The following AGPAT3 variants were observed in gnomAD, a reference collection of about 807,000 sequenced individuals.
AGPAT3 encodes 1-acylglycerol-3-phosphate O-acyltransferase 3, also known as 1-acyl-sn-glycerol-3-phosphate acyltransferase gamma.
In AGPAT3, 5 loss-of-function variants were observed where a neutral mutation model predicts 47.3. The observed-to-expected ratio is 0.11, with a 90% CI of 0.06 to 0.22. The LOEUF (loss-of-function observed/expected upper bound fraction) is 0.22. AGPAT3 is among the 10% of genes least tolerant of loss of function. The pLI is 1.00. For missense variants in AGPAT3, 315 were observed against 493.0 expected, an observed-to-expected ratio of 0.64 and a Z score of 3.42; for synonymous variants, 212 against 208.3, an observed-to-expected ratio of 1.02 and a Z score of -0.15.
chr21:43,895,751 A>G (rs2086201877), intron 1 of AGPAT3, among the ~76,000 whole-genome samples: 1 of 150,958 alleles, frequency 6.6e-6, no homozygotes. Flanking sequence ...ACACCTGGCT[A>G]ATTTTTTGTT....
rs866814694 is a variant in AGPAT3 at position 43,952,088 on chromosome 21, G to A, written c.-48-7546G>A. Among the ~76,000 whole-genome samples the A allele has an allele frequency of 6.6e-5, 10 of 152,070 alleles. No homozygotes were observed. Among genetic ancestry groups the A allele is most frequent in the African/African-American group, 9.7e-5 (4 of 41,410 alleles). On this transcript the variant is annotated intron_variant, in intron 2 of 9. Transcript: ENST00000291572. This position sits in a 1 kb window ranked among gnomAD's most constrained non-coding sequence, Gnocchi z 5.6. ...GATGGCGGAACACGGGGATGGGCCC[G>A]TACCTCTCCAGAACTACGGACCTGG... is the stretch of plus-strand genomic sequence containing the variant.
At chr21:43,926,668 T>C (rs1434208842) in intron 2 of AGPAT3, among the ~76,000 whole-genome samples, 1 of 91,324 alleles carries the variant, frequency 1.1e-5, no homozygotes, top group Non-Finnish European at 2.1e-5. Context: ...TTTTTTTTAA[T>C]AAAAAGGAGG....
intron 1 of AGPAT3, among the ~76,000 whole-genome samples, chr21:43,891,372 G>A (rs1052564174): frequency 1.3e-5 from 2 of 152,114 alleles, no homozygotes; most frequent in Admixed American, 6.5e-5. Context: ...GGTGGCTCAC[G>A]CCTATAATCC....
chr21:43,877,918 C>G (rs1324799158), intron 1 of AGPAT3, among the ~76,000 whole-genome samples: 1 of 152,088 alleles, frequency 6.6e-6, no homozygotes, highest in Non-Finnish European at 1.5e-5. Context: ...CCCCCTTCCC[C>G]ATCTATGGCT....
At chr21:43,960,711 C>T in intron 3 of AGPAT3, 1 of 985,302 alleles carries the variant, frequency 1.0e-6, no homozygotes, top group Non-Finnish European at 1.2e-6. Context: ...CCTCTGCGGC[C>T]ATCATGGAGA....
chr21:43,899,094 G>T (rs1323334575), intron 1 of AGPAT3, among the ~76,000 whole-genome samples: 2 of 152,160 alleles, frequency 1.3e-5, no homozygotes, highest in East Asian at 1.9e-4. Flanking sequence ...TTCCCATCTG[G>T]GATCTCTTTT....
Position 43,904,375 on chromosome 21 carries a change from C to G in AGPAT3, c.-49+356C>G, listed in dbSNP as rs62228753. 2.0e-5 allele frequency among the ~76,000 whole-genome samples: 3 copies of G among 152,270 alleles called. No individual in the cohort carries two copies. The East Asian group carries it at 5.8e-4, about 29-fold the overall frequency. On this transcript the variant is annotated intron_variant, in intron 2 of 9. Coordinates refer to ENST00000291572, the MANE Select transcript of AGPAT3 (RefSeq NM_020132.5). The stretch of plus-strand genomic sequence containing the variant: ...TGGGAGTCACCTCACAGGGCTGCCC[C>G]GGCTCTGTTAGCAGCCCAGGAAGTC...
At chr21:43,957,935 G>GGGGGAGCC (rs2088572998) in intron 2 of AGPAT3, among the ~76,000 whole-genome samples, 1 of 152,210 alleles carries the variant, frequency 6.6e-6, no homozygotes, top group Non-Finnish European at 1.5e-5. Flanking sequence ...TAGAAGGAAA[G>GGGGGAGCC]GGGGAGCCGG....
rs2085837362 is a variant in AGPAT3 at position 43,880,704 on chromosome 21, T to C, written c.-112+15359T>C. ...ATGATTTTGCCAATTACCCTTGTTATTTCCACTCACATATATCTCCCCAAA... is the reference window on the plus strand; with the variant it reads ...ATGATTTTGCCAATTACCCTTGTTACTTCCACTCACATATATCTCCCCAAA... On this transcript the variant is annotated intron_variant, in intron 1 of 9. Transcript: ENST00000291572. The surrounding 1 kb of genome is among the most constrained non-coding windows in gnomAD (Gnocchi z 4.5). Among the ~76,000 whole-genome samples, 1 of 152,244 alleles carries C rather than the reference T, an allele frequency of 6.6e-6. No individual in the cohort carries two copies. Among genetic ancestry groups the C allele is most frequent in the South Asian group, 2.1e-4 (1 of 4,832 alleles).
At chr21:43,957,045 G>A (rs1366499633) in intron 2 of AGPAT3, among the ~76,000 whole-genome samples, 1 of 152,156 alleles carries the variant, frequency 6.6e-6, no homozygotes, top group Admixed American at 6.5e-5. Flanking sequence ...TGTCCCCACG[G>A]TTTCTGGGGA....
chr21:43,884,995 G>T (rs2085942191), intron 1 of AGPAT3, among the ~76,000 whole-genome samples: 1 of 152,226 alleles, frequency 6.6e-6, no homozygotes, highest in African/African-American at 2.4e-5. Flanking sequence ...TCATACTCAT[G>T]CCCCGTGGCA....
At chr21:43,935,453 C>A (rs1042945828) in intron 2 of AGPAT3, among the ~76,000 whole-genome samples, 6 of 152,252 alleles carry the variant, frequency 3.9e-5, no homozygotes, top group Non-Finnish European at 8.8e-5. Context: ...GCAGGGCCAG[C>A]ATAGGCCCCA....
chr21:43,944,667 G>A (rs1032694956), intron 2 of AGPAT3, among the ~76,000 whole-genome samples: 48 of 152,210 alleles, frequency 3.2e-4, no homozygotes, highest in Admixed American at 2.9e-3. Flanking sequence ...GGCTGTGCTC[G>A]GCCTCTGTGC....
chr21:43,909,188 A>T (rs2086571053), intron 2 of AGPAT3, among the ~76,000 whole-genome samples: 1 of 152,184 alleles, frequency 6.6e-6, no homozygotes, highest in Non-Finnish European at 1.5e-5. Flanking sequence ...ATCCTCTGAC[A>T]TCACTTGGTG....
chr21:43,866,350 A>G (rs1034184772), intron 1 of AGPAT3, among the ~76,000 whole-genome samples: 1 of 152,048 alleles, frequency 6.6e-6, no homozygotes, highest in Non-Finnish European at 1.5e-5. Context: ...TCTTATTAAA[A>G]ATGAAAGCCA....
At position 43,933,396 on chromosome 21, in the gene AGPAT3, C is replaced by G. The variant is rs1387984434; in HGVS notation, c.-48-26238C>G. On this transcript the variant is annotated intron_variant, in intron 2 of 9. Transcript: ENST00000291572. This position sits in a 1 kb window ranked among gnomAD's most constrained non-coding sequence, Gnocchi z 6.0. ...GAAGCTGTTTAGTTTGCCGTAATCCCAGTGGTCTATGTTTGCTTTTGTCGT... is the reference window on the plus strand; with the variant it reads ...GAAGCTGTTTAGTTTGCCGTAATCCGAGTGGTCTATGTTTGCTTTTGTCGT... Among the ~76,000 whole-genome samples the G allele has an allele frequency of 6.6e-6, 1 of 152,146 alleles. No individual in the cohort carries two copies. The highest frequency in any genetic ancestry group is 1.5e-5 in the Non-Finnish European group (1 of 68,038).
rs188316927 is a variant in AGPAT3 at position 43,934,837 on chromosome 21, C to T, written c.-48-24797C>T. Among the ~76,000 whole-genome samples the T allele has an allele frequency of 3.6e-3, 535 of 150,326 alleles. 5 individuals carry two copies. The highest frequency in any genetic ancestry group is 0.013 in the African/African-American group (513 of 40,806). On this transcript the variant is annotated intron_variant, in intron 2 of 9. Transcript: ENST00000291572. This position sits in a 1 kb window ranked among gnomAD's most constrained non-coding sequence, Gnocchi z 4.7. The stretch of plus-strand genomic sequence containing the variant: ...ACACCACCTCTACCCCTCACGTCAC[C>T]GACGCCACTCACATGCCACTCACAT...
chr21:43,878,376 C>T (rs1035677855), intron 1 of AGPAT3, among the ~76,000 whole-genome samples: 4 of 152,216 alleles, frequency 2.6e-5, no homozygotes, highest in Non-Finnish European at 4.4e-5. Flanking sequence ...GCGGCCTGCC[C>T]GCTTCAGTTC....
Position 43,981,320 on chromosome 21 carries a change from G to T in AGPAT3, c.1042+133G>T. The stretch of plus-strand genomic sequence containing the variant: ...TGGCTGTTATGGACCCTGGAGCCAG[G>T]ATCCCCCCACGGCCTGCGGGCCTCA... On this transcript the variant is annotated intron_variant, in intron 9 of 9. Coordinates refer to ENST00000291572, the MANE Select transcript of AGPAT3 (RefSeq NM_020132.5). The surrounding 1 kb of genome is among the most constrained non-coding windows in gnomAD (Gnocchi z 5.3). 9.9e-7 allele frequency: 1 copy of T among 1,007,746 alleles called. No homozygotes were observed. The allele number at this position is 1,007,746 out of a possible 1,614,324, so 62.4% of individuals were successfully genotyped here. A position where few individuals can be genotyped will look rare whatever the true frequency, so the allele number is the denominator to read the frequency against.
Sources: gnomAD v4.1 joint callset for allele counts (sites outside exome capture counted in the v4.1 genomes callset) on GRCh38, gnomAD v4.1.1 for gene constraint, Gnocchi (gnomAD v3.1) non-coding constraint, MANE v1.5 for transcripts, NCBI Gene and HGNC (gene_info 2026-07-23, HGNC 2026-07-21) for gene names.